The following TSPEAR variants were observed in gnomAD, a reference collection of about 807,000 sequenced individuals.
TSPEAR encodes thrombospondin type laminin G domain and EAR repeats.
Under a neutral mutation model 71.6 loss-of-function variants are expected in TSPEAR, and 69 were observed. The observed-to-expected ratio is 0.96, with a 90% CI of 0.79 to 1.18. The LOEUF (loss-of-function observed/expected upper bound fraction) is 1.18, where lower values mean the gene tolerates loss of function less well. Ranked by LOEUF, TSPEAR falls within the 50% of genes most tolerant of loss-of-function variation. The pLI, the probability that TSPEAR is intolerant of heterozygous loss-of-function variation, is 0.00. For missense variants in TSPEAR, 971 were observed against 894.9 expected, an observed-to-expected ratio of 1.09 and a Z score of -1.09; for synonymous variants, 402 against 387.2, an observed-to-expected ratio of 1.04 and a Z score of -0.45.
intron 1 of TSPEAR, among the ~76,000 whole-genome samples, chr21:44,607,039 G>A (rs782607006): frequency 7.9e-5 from 12 of 152,180 alleles, no homozygotes; most frequent in Non-Finnish European, 1.8e-4. Context: ...AAAATGGTAA[G>A]TTGGTGAGAT....
chr21:44,587,230 T>C (rs782087323), intron 1 of TSPEAR, among the ~76,000 whole-genome samples: 1 of 152,138 alleles, frequency 6.6e-6, no homozygotes, highest in Non-Finnish European at 1.5e-5. Flanking sequence ...TCAGTAGCTC[T>C]CCTATACACC....
intron 1 of TSPEAR, among the ~76,000 whole-genome samples, chr21:44,635,605 C>T (rs1207629795): frequency 6.6e-6 from 1 of 152,030 alleles, no homozygotes; most frequent in East Asian, 1.9e-4. Context: ...ATGAAATGTG[C>T]AGAACAGGCA....
chr21:44,573,798 G>C, intron 1 of TSPEAR: 4 of 1,613,790 alleles, frequency 2.5e-6, no homozygotes, highest in Non-Finnish European at 3.4e-6. Flanking sequence ...CAGCAGCCGC[G>C]TCTGCCTTCC....
At chr21:44,545,080 G>A (rs1569177462) in intron 2 of TSPEAR, among the ~76,000 whole-genome samples, 1 of 151,856 alleles carries the variant, frequency 6.6e-6, no homozygotes, top group Admixed American at 6.6e-5. Context: ...AGCATTTTGG[G>A]AGGCTGAGGT....
At chr21:44,557,528 G>A (rs1412282706) in intron 2 of TSPEAR, among the ~76,000 whole-genome samples, 3 of 152,210 alleles carry the variant, frequency 2.0e-5, no homozygotes, top group Non-Finnish European at 4.4e-5. Flanking sequence ...GGAGAGAGGG[G>A]GAGGAGCTGA....
chr21:44,680,944 A>C (rs1243051397), intron 1 of TSPEAR, among the ~76,000 whole-genome samples: 3 of 152,234 alleles, frequency 2.0e-5, no homozygotes, highest in Non-Finnish European at 2.9e-5. Flanking sequence ...AATATTTGAT[A>C]GCAGCATAGG....
intron 1 of TSPEAR, among the ~76,000 whole-genome samples, chr21:44,569,243 C>T (rs1396230618): frequency 1.3e-5 from 2 of 152,224 alleles, no homozygotes; most frequent in Non-Finnish European, 2.9e-5. Context: ...GGTCCGCACA[C>T]GCGCACACAG....
chr21:44,699,200 AAATTAATT>A (rs1269581835), intron 1 of TSPEAR, among the ~76,000 whole-genome samples: 1 of 151,874 alleles, frequency 6.6e-6, no homozygotes, highest in Non-Finnish European at 1.5e-5. Flanking sequence ...CTGTCTCAAA[AAATTAATT>A]AATTAATTAA....
In TSPEAR at chr21:44,697,831, C is replaced by T. The variant is rs112431728; in HGVS notation, c.82+13602G>A. ...TGTGCAGACCCGCCCGCCGCGTGCC[C>T]GTCCCCTCCTGCTGTGTCCCCACCT... On this transcript the variant is annotated intron_variant, in intron 1 of 11. Coordinates refer to ENST00000323084, the MANE Select transcript of TSPEAR (RefSeq NM_144991.3). 1.3e-3 allele frequency: 2,094 copies of T among 1,613,620 alleles called. 30 individuals are homozygous for T. The African/African-American group carries it at 0.024, about 19-fold the overall frequency.
chr21:44,683,215 G>A (rs1321864188), intron 1 of TSPEAR, among the ~76,000 whole-genome samples: 2 of 152,014 alleles, frequency 1.3e-5, no homozygotes, highest in Non-Finnish European at 2.9e-5. Flanking sequence ...CCAAGTTGTA[G>A]ATGCTTCCCA....
intron 8 of TSPEAR, among the ~76,000 whole-genome samples, chr21:44,523,357 TGTCA>T (rs1307224088): frequency 5.1e-4 from 77 of 151,644 alleles, no homozygotes; most frequent in Admixed American, 1.3e-3. Context: ...CGGTCAGTTG[TGTCA>T]GTCAGTCAGT....
At chr21:44,667,355 T>C (rs1225227604) in intron 1 of TSPEAR, among the ~76,000 whole-genome samples, 5 of 152,124 alleles carry the variant, frequency 3.3e-5, no homozygotes, top group African/African-American at 9.7e-5. Context: ...TCTGTGGGTG[T>C]CCTGAGAGCT....
intron 1 of TSPEAR, chr21:44,601,707 C>T (rs375213365): frequency 5.2e-5 from 84 of 1,611,920 alleles, no homozygotes; most frequent in Non-Finnish European, 6.9e-5. Context: ...GCTGTGGCCC[C>T]ACCTCAACCC....
intron 1 of TSPEAR, among the ~76,000 whole-genome samples, chr21:44,634,242 T>TA (rs2146213223): frequency 6.6e-6 from 1 of 152,234 alleles, no homozygotes; most frequent in South Asian, 2.1e-4. Flanking sequence ...GGCTGAGCAA[T>TA]ACCCTGTCTC....
At chr21:44,564,203 G>A (rs587598607) in intron 2 of TSPEAR, among the ~76,000 whole-genome samples, 1 of 152,260 alleles carries the variant, frequency 6.6e-6, no homozygotes, top group South Asian at 2.1e-4. Context: ...AGTGCCACCA[G>A]TATTTGAGAT....
At chr21:44,609,153 G>A (rs931135018) in intron 1 of TSPEAR, among the ~76,000 whole-genome samples, 3 of 152,166 alleles carry the variant, frequency 2.0e-5, no homozygotes, top group African/African-American at 7.2e-5. Flanking sequence ...CCAATGAGGA[G>A]AGAAGGTAGA....
intron 5 of TSPEAR, 70 bp downstream of exon 5, chr21:44,529,728 T>A: frequency 6.3e-7 from 1 of 1,575,498 alleles, no homozygotes; most frequent in Non-Finnish European, 8.7e-7. Context: ...AGCCCTGAGT[T>A]CCCGCCTGGT....
chr21:44,684,539 C>T (rs73234853), intron 1 of TSPEAR, among the ~76,000 whole-genome samples: 7 of 152,176 alleles, frequency 4.6e-5, no homozygotes, highest in Admixed American at 2.6e-4. Flanking sequence ...TCTCAAAAAA[C>T]CCCAGAAACT....
intron 2 of TSPEAR, chr21:44,550,845 G>T: frequency 6.5e-7 from 1 of 1,530,302 alleles, no homozygotes; most frequent in Non-Finnish European, 8.9e-7. Context: ...CGGAGAGGAA[G>T]CCCCAGAGCA....
Sources: gnomAD v4.1 joint callset for allele counts (sites outside exome capture counted in the v4.1 genomes callset) on GRCh38, gnomAD v4.1.1 for gene constraint, MANE v1.5 for transcripts, NCBI Gene and HGNC (gene_info 2026-07-23, HGNC 2026-07-21) for gene names.